PUDP: variants seen among roughly 807,000 people sequenced by gnomAD.
PUDP encodes the protein pseudouridine 5'-phosphatase, also known as pseudouridine-5'-phosphatase.
In PUDP, 8 loss-of-function variants were observed where a neutral mutation model predicts 9.4. The ratio of observed to expected loss-of-function variants is 0.85; its 90% CI spans 0.50 to 1.53. The LOEUF (loss-of-function observed/expected upper bound fraction) is 1.53, where lower values mean the gene tolerates loss of function less well. Among genes scored for constraint, PUDP ranks in the 40% most tolerant of loss-of-function variants. The pLI, the probability that PUDP is intolerant of heterozygous loss-of-function variation, is 0.00. For missense variants in PUDP, 188 were observed against 189.7 expected (o/e 0.99, Z 0.05); for synonymous variants, 99 against 80.7 (o/e 1.23, Z -1.22).
chrX:6,713,511 A>G (rs1206568328), intron 1 of PUDP, among the ~76,000 whole-genome samples: 1 of 112,215 alleles, frequency 8.9e-6, no homozygotes, highest in Non-Finnish European at 1.9e-5. Context: ...AGGCTAATGT[A>G]TGTGTTCTGA....
rs932136416 is a variant in PUDP at position 6,771,181 on chromosome X, G to A, written c.*248-64715C>T. Among the ~76,000 whole-genome samples, 5 of 111,809 alleles carry A rather than the reference G, an allele frequency of 4.5e-5. No individual in the cohort carries two copies. The Admixed American group carries it at 4.7e-4, about 11-fold the overall frequency. On this transcript the variant is annotated intron_variant and NMD_transcript_variant, in intron 3 of 3. Coordinates refer to the PUDP transcript ENST00000655425. ...ATTGCACAGTCACAGGAAATGCACA[G>A]AGAGATGACCCCATGGAAAGAAACG...
intron 3 of PUDP, among the ~76,000 whole-genome samples, chrX:6,750,813 C>G (rs1362958178): frequency 8.9e-6 from 1 of 111,811 alleles, no homozygotes. Context: ...ACACTGGACA[C>G]TATCAAGAAT....
At chrX:6,870,501 G>A (rs1019634845) in intron 3 of PUDP, among the ~76,000 whole-genome samples, 1 of 111,719 alleles carries the variant, frequency 9.0e-6, no homozygotes, top group African/African-American at 3.3e-5. Context: ...GATGTGACTT[G>A]CTCCTCCTTG....
chrX:6,963,196 A>C (rs1928733177), intron 3 of PUDP, among the ~76,000 whole-genome samples: 1 of 112,461 alleles, frequency 8.9e-6, no homozygotes, highest in Admixed American at 9.4e-5. Flanking sequence ...AGCTGGAAGA[A>C]AGAGTAGCAG....
chrX:7,120,368 C>T (rs1932308070), intron 1 of PUDP, among the ~76,000 whole-genome samples: 1 of 110,787 alleles, frequency 9.0e-6, no homozygotes. Flanking sequence ...GTAGTCAGAG[C>T]CCAGGAATGG....
intron 2 of PUDP, among the ~76,000 whole-genome samples, chrX:7,078,417 A>AGAGT (rs1215679338): frequency 9.0e-6 from 1 of 111,486 alleles, no homozygotes; most frequent in Non-Finnish European, 1.9e-5. Flanking sequence ...CTCAGCCTCC[A>AGAGT]GAGTAGCTGG....
chrX:7,044,581 C>T (rs998451838), downstream of PUDP, among the ~76,000 whole-genome samples: 8 of 112,073 alleles, frequency 7.1e-5, no homozygotes, highest in South Asian at 3.8e-4. Flanking sequence ...AGTGGATAAT[C>T]GAATTGTGCC....
At chrX:7,005,515 T>C (rs1018196283) in intron 1 of PUDP, among the ~76,000 whole-genome samples, 2 of 109,411 alleles carry the variant, frequency 1.8e-5, no homozygotes, top group African/African-American at 6.7e-5. Flanking sequence ...GCTCAAGCAA[T>C]CCTCGTACCT....
At chrX:6,921,524 T>C (rs1047096143) in intron 3 of PUDP, among the ~76,000 whole-genome samples, 3 of 111,723 alleles carry the variant, frequency 2.7e-5, no homozygotes, top group African/African-American at 9.8e-5. Flanking sequence ...CATGTATAAT[T>C]AGATGACTTG....
chrX:7,143,478 G>A (rs1043095652), intron 1 of PUDP, among the ~76,000 whole-genome samples: 3 of 112,005 alleles, frequency 2.7e-5, no homozygotes, highest in African/African-American at 9.7e-5. Flanking sequence ...TTGCCAGCTG[G>A]ACAAAACTCT....
At chrX:6,948,489 A>G (rs1401268386) in intron 3 of PUDP, among the ~76,000 whole-genome samples, 2 of 111,671 alleles carry the variant, frequency 1.8e-5, no homozygotes, top group Non-Finnish European at 3.8e-5. Context: ...TTTAAACATT[A>G]ATGTGCACAC....
chrX:7,100,980 G>C (rs1185808183), intron 2 of PUDP, among the ~76,000 whole-genome samples: 1 of 111,733 alleles, frequency 8.9e-6, no homozygotes, highest in East Asian at 2.8e-4. Flanking sequence ...GAATACCAAA[G>C]CGGCACATCA....
chrX:6,871,212 G>C (rs1569114265), intron 3 of PUDP, among the ~76,000 whole-genome samples: 3 of 111,187 alleles, frequency 2.7e-5, no homozygotes, highest in African/African-American at 9.8e-5. Flanking sequence ...TCAAGCTGAG[G>C]CTTCATCTGT....
chrX:6,748,995 T>G (rs1004812708), intron 3 of PUDP, among the ~76,000 whole-genome samples: 1 of 110,886 alleles, frequency 9.0e-6, no homozygotes, highest in African/African-American at 3.3e-5. Context: ...GTGGATGAGA[T>G]AGAATTTACA....
At chrX:6,951,165 A>T (rs1928549764) in intron 3 of PUDP, among the ~76,000 whole-genome samples, 2 of 111,231 alleles carry the variant, frequency 1.8e-5, no homozygotes, top group Admixed American at 9.6e-5. Flanking sequence ...TATAAGTATC[A>T]TGTATTTAAA....
chrX:6,873,250 T>TC (rs1259851499), intron 3 of PUDP, among the ~76,000 whole-genome samples: 1 of 112,070 alleles, frequency 8.9e-6, no homozygotes, highest in East Asian at 2.8e-4. Context: ...ATCTAAGTTT[T>TC]CCTCACTGGA....
intron 3 of PUDP, among the ~76,000 whole-genome samples, chrX:6,847,767 G>A (rs1405754056): frequency 8.9e-6 from 1 of 111,987 alleles, no homozygotes; most frequent in Non-Finnish European, 1.9e-5. Context: ...ATATCTCTGT[G>A]AATCAGCTGG....
intron 3 of PUDP, among the ~76,000 whole-genome samples, chrX:6,845,510 A>G (rs1226174830): frequency 8.9e-6 from 1 of 111,895 alleles, no homozygotes; most frequent in African/African-American, 3.3e-5. Flanking sequence ...TTGCAGACCA[A>G]TGTTTCAAGT....
intron 2 of PUDP, among the ~76,000 whole-genome samples, chrX:7,082,083 G>T (rs1931110185): frequency 8.9e-6 from 1 of 112,293 alleles, no homozygotes; most frequent in Admixed American, 9.4e-5. Context: ...ATGAACTCCA[G>T]TTCCCAGCTC....
Sources: allele counts gnomAD v4.1 joint callset (sites outside exome capture counted in the v4.1 genomes callset), GRCh38; gene constraint gnomAD v4.1.1; transcripts MANE v1.5; gene names NCBI Gene and HGNC (gene_info 2026-07-23, HGNC 2026-07-21).